The following SLC7A1 variants were observed in gnomAD, a reference collection of about 807,000 sequenced individuals.
SLC7A1 encodes the protein high affinity cationic amino acid transporter 1.
In SLC7A1, 10 loss-of-function variants were observed where a neutral mutation model predicts 53.9. That is an observed-to-expected ratio of 0.19 (90% CI 0.11 to 0.31). The LOEUF is 0.31. Ranked by LOEUF, SLC7A1 falls within the 10% of genes least tolerant of loss-of-function variation. SLC7A1 has a pLI of 1.00. For missense variants in SLC7A1, 525 were observed against 827.2 expected (o/e 0.63, Z 4.48); for synonymous variants, 342 against 338.7 (o/e 1.01, Z -0.11).
At chr13:29,519,605 C>A in intron 8 of SLC7A1, 56 bp from the exon 9 acceptor site, 1 of 1,110,530 alleles carries the variant, frequency 9.0e-7, no homozygotes, top group African/African-American at 1.5e-5. Context: ...CAATGACAAC[C>A]AGGACCACCA....
chr13:29,530,246 T>C (rs1869087725), intron 5 of SLC7A1, among the ~76,000 whole-genome samples: 1 of 152,068 alleles, frequency 6.6e-6, no homozygotes, highest in South Asian at 2.1e-4. Context: ...ATTTAATGAG[T>C]CTGACAAGAA....
intron 1 of SLC7A1, among the ~76,000 whole-genome samples, chr13:29,584,618 G>A (rs1265276613): frequency 6.6e-6 from 1 of 152,052 alleles, no homozygotes; most frequent in African/African-American, 2.4e-5. Flanking sequence ...TCTTGTTCTA[G>A]TTCTGTTATG....
chr13:29,595,052 C>G (rs1872253491), intron 1 of SLC7A1, among the ~76,000 whole-genome samples: 1 of 152,138 alleles, frequency 6.6e-6, no homozygotes. Context: ...CGCCGCCCGC[C>G]TACGCACCCC....
chr13:29,526,145 C>T (rs989273058), intron 5 of SLC7A1, among the ~76,000 whole-genome samples: 3 of 152,160 alleles, frequency 2.0e-5, no homozygotes, highest in African/African-American at 7.2e-5. Flanking sequence ...GTGAAAAGCC[C>T]CCAGATCCCC....
chr13:29,538,561 G>A (rs1593552756), intron 2 of SLC7A1, among the ~76,000 whole-genome samples: 1 of 152,216 alleles, frequency 6.6e-6, no homozygotes, highest in Non-Finnish European at 1.5e-5. Context: ...CTAGGGAGGA[G>A]GAGGAGCAGG....
intron 1 of SLC7A1, among the ~76,000 whole-genome samples, chr13:29,593,777 C>T (rs1401182521): frequency 6.6e-6 from 1 of 150,670 alleles, no homozygotes; most frequent in Non-Finnish European, 1.5e-5. Context: ...TTTTTTTTCA[C>T]CTAAAGCAAG....
rs554183240 is a variant in SLC7A1, at chr13:29,509,472, G to C, written c.*5008C>G. On this transcript the variant is annotated 3_prime_UTR_variant, in exon 13 of 13. Transcript: ENST00000380752. ...GCATGAGATAATGTACCACAAAAGAGTTTGATTTTACAACATAAAGTATGG... is the reference window on the plus strand; with the variant it reads ...GCATGAGATAATGTACCACAAAAGACTTTGATTTTACAACATAAAGTATGG... The C allele has an allele frequency of 3.9e-5, 6 of 152,602 alleles. No homozygotes were observed. The highest frequency in any genetic ancestry group is 7.3e-5 in the Non-Finnish European group (5 of 68,034). The allele number at this position is 152,602 out of a possible 1,614,324, so 9.5% of individuals were successfully genotyped here. A position where few individuals can be genotyped will look rare whatever the true frequency, so the allele number is the denominator to read the frequency against.
intron 1 of SLC7A1, among the ~76,000 whole-genome samples, chr13:29,565,285 G>T (rs868059806): frequency 1.6e-4 from 24 of 152,268 alleles, no homozygotes; most frequent in African/African-American, 4.3e-4. Context: ...GAAGATGCAT[G>T]AGTACAATAC....
At position 29,514,393 on chromosome 13, in the gene SLC7A1, T is replaced by G. The variant is rs760184055; in HGVS notation, c.*87A>C. ...GGGTGTGGACGCAGGTGGTTTCTGT[T>G]GCACTGGTGGGGAGGGTGGGGTGCC... On this transcript the variant is annotated 3_prime_UTR_variant, in exon 13 of 13. Coordinates refer to ENST00000380752, the MANE Select transcript of SLC7A1 (RefSeq NM_003045.5). 1.7e-5 allele frequency: 16 copies of G among 915,156 alleles called. No individual in the cohort carries two copies. Among genetic ancestry groups the G allele is most frequent in the Non-Finnish European group, 2.3e-5 (13 of 577,032 alleles). The allele number at this position is 915,156 out of a possible 1,614,324, so 56.7% of individuals were successfully genotyped here.
At chr13:29,561,660 A>G (rs1870763379) in intron 1 of SLC7A1, among the ~76,000 whole-genome samples, 1 of 152,150 alleles carries the variant, frequency 6.6e-6, no homozygotes, top group Admixed American at 6.5e-5. Context: ...GTGATGGAGG[A>G]CAGAAATCAA....
At chr13:29,548,587 C>A (rs1038790944) in intron 2 of SLC7A1, among the ~76,000 whole-genome samples, 2 of 152,232 alleles carry the variant, frequency 1.3e-5, no homozygotes, top group African/African-American at 4.8e-5. Context: ...CTTGGGCAGA[C>A]TAACCTGGTC....
chr13:29,567,845 T>A (rs1389004898), intron 1 of SLC7A1, among the ~76,000 whole-genome samples: 4 of 152,056 alleles, frequency 2.6e-5, no homozygotes, highest in Non-Finnish European at 5.9e-5. Context: ...CCTCTTTTTT[T>A]TTTGGACTTA....
chr13:29,562,220 G>A (rs73454204), intron 1 of SLC7A1, among the ~76,000 whole-genome samples: 2,587 of 152,290 alleles, frequency 0.017, 83 homozygotes, highest in African/African-American at 0.059. Context: ...CAAACTCATA[G>A]AATGGATTCG....
chr13:29,594,961 G>C (rs4769763), intron 1 of SLC7A1, among the ~76,000 whole-genome samples: 71,907 of 151,742 alleles, frequency 0.47, 19,471 homozygotes, highest in Non-Finnish European at 0.61. Flanking sequence ...GCGGGGCGGG[G>C]TGCTCTGCAC....
intron 2 of SLC7A1, among the ~76,000 whole-genome samples, chr13:29,548,281 G>A (rs893093865): frequency 3.9e-5 from 6 of 152,200 alleles, no homozygotes; most frequent in South Asian, 2.1e-4. Flanking sequence ...TGTCTAAAAC[G>A]TTAGGCACAC....
At chr13:29,561,985 A>C (rs1332290976) in intron 1 of SLC7A1, among the ~76,000 whole-genome samples, 1 of 152,226 alleles carries the variant, frequency 6.6e-6, no homozygotes, top group Non-Finnish European at 1.5e-5. Flanking sequence ...ACTCTTGTTA[A>C]CTGCAGTAAT....
chr13:29,516,031 G>A (rs1287627209), intron 12 of SLC7A1, 107 bp downstream of exon 12: 12 of 652,390 alleles, frequency 1.8e-5, no homozygotes, highest in Admixed American at 5.4e-5. Context: ...CATTATCTTC[G>A]AGAAAGCTGC....
chr13:29,524,028 AAG>A, intron 6 of SLC7A1, 102 bp downstream of exon 6: 1 of 1,145,290 alleles, frequency 8.7e-7, no homozygotes, highest in Non-Finnish European at 1.3e-6. Context: ...TCATGTGTGA[AAG>A]AGCGGCGACT....
chr13:29,538,646 T>C (rs773440568), intron 2 of SLC7A1, among the ~76,000 whole-genome samples: 7 of 152,260 alleles, frequency 4.6e-5, no homozygotes, highest in Non-Finnish European at 8.8e-5. Flanking sequence ...AATGCCTTTT[T>C]CTTTTCTTCC....
Sources: gnomAD v4.1 joint callset for allele counts (sites outside exome capture counted in the v4.1 genomes callset) on GRCh38, gnomAD v4.1.1 for gene constraint, MANE v1.5 for transcripts, NCBI Gene and HGNC (gene_info 2026-07-23, HGNC 2026-07-21) for gene names.